PTPRD: variants seen among roughly 807,000 people sequenced by gnomAD.
PTPRD encodes receptor-type tyrosine-protein phosphatase delta.
In PTPRD, 34 loss-of-function variants were observed where a neutral mutation model predicts 214.5. The ratio of observed to expected loss-of-function variants is 0.16; its 90% CI spans 0.12 to 0.21. The LOEUF (loss-of-function observed/expected upper bound fraction) is 0.21. Among genes scored for constraint, PTPRD ranks in the 10% least tolerant of loss-of-function variants. PTPRD has a pLI of 1.00. For missense variants in PTPRD, 2,545 were observed against 2,398.7 expected, an observed-to-expected ratio of 1.06 and a Z score of -1.27; for synonymous variants, 1,128 against 845.7, an observed-to-expected ratio of 1.33 and a Z score of -5.79.
chr9:9,898,799 G>T (rs778470412), intron 5 of PTPRD, among the ~76,000 whole-genome samples: 68 of 151,976 alleles, frequency 4.5e-4, no homozygotes, highest in Non-Finnish European at 8.4e-4. Context: ...TCCTTTATTA[G>T]CATCTCTTAG....
intron 5 of PTPRD, among the ~76,000 whole-genome samples, chr9:9,887,476 G>T (rs2071398804): frequency 6.6e-6 from 1 of 152,066 alleles, no homozygotes; most frequent in Admixed American, 6.6e-5. Context: ...TACTTGTGTA[G>T]GACCACACAT....
At position 9,717,500 on chromosome 9, in the gene PTPRD, T is replaced by A. The variant is rs541202506; in HGVS notation, c.-287+17033A>T. On this transcript the variant is annotated intron_variant, in intron 7 of 45. Transcript: ENST00000381196. ...GCTTTTTAATGAAGTCATCTTTCAA[T>A]GTAAGCATATATAAAACTCACTCAT... Among the ~76,000 whole-genome samples, 4 of 152,340 alleles carry A rather than the reference T, an allele frequency of 2.6e-5. No homozygotes were observed. In the South Asian group the frequency reaches 8.3e-4, roughly 32 times the overall value.
chr9:10,583,194 G>C (rs550071062), intron 2 of PTPRD, among the ~76,000 whole-genome samples: 2 of 152,300 alleles, frequency 1.3e-5, no homozygotes, highest in South Asian at 2.1e-4. Context: ...AGGCAGAGAA[G>C]TAAAGTTATT....
chr9:8,621,648 T>C (rs1432331826), intron 14 of PTPRD, among the ~76,000 whole-genome samples: 2 of 151,982 alleles, frequency 1.3e-5, no homozygotes, highest in East Asian at 1.9e-4. Context: ...CCATTTGCTA[T>C]TGAGCCAGTG....
At chr9:8,657,430 A>G (rs1392800260) in intron 12 of PTPRD, among the ~76,000 whole-genome samples, 1 of 152,014 alleles carries the variant, frequency 6.6e-6, no homozygotes, top group African/African-American at 2.4e-5. Context: ...TGGCCCCCCA[A>G]AGTGCTGGGA....
At chr9:8,977,550 A>T (rs910904154) in intron 11 of PTPRD, among the ~76,000 whole-genome samples, 1 of 151,944 alleles carries the variant, frequency 6.6e-6, no homozygotes, top group Non-Finnish European at 1.5e-5. Flanking sequence ...CTATCTTGTC[A>T]TACAGTCATC....
At chr9:9,543,136 A>G (rs377481075) in intron 8 of PTPRD, among the ~76,000 whole-genome samples, 1 of 151,764 alleles carries the variant, frequency 6.6e-6, no homozygotes, top group Non-Finnish European at 1.5e-5. Flanking sequence ...AAGGAATGGG[A>G]CTACTAATAA....
At chr9:10,187,784 G>C (rs2099344898) in intron 3 of PTPRD, among the ~76,000 whole-genome samples, 1 of 152,102 alleles carries the variant, frequency 6.6e-6, no homozygotes, top group Non-Finnish European at 1.5e-5. Flanking sequence ...GCTGACCCCA[G>C]GACTTCATCA....
rs185203466 is a variant in PTPRD, at chr9:8,859,169, T to C, written c.-103-125223A>G. ...AAGACTGGGAAGTACTGAACCAAAA[T>C]CTTAGTGTGATAACTTGTTTTGCTT... On this transcript the variant is annotated intron_variant, in intron 11 of 45. Coordinates refer to ENST00000381196, the MANE Select transcript of PTPRD (RefSeq NM_002839.4). Among the ~76,000 whole-genome samples, 20 of 152,316 alleles carry C rather than the reference T, an allele frequency of 1.3e-4. 1 individual carries two copies. In the East Asian group the frequency reaches 3.5e-3, roughly 26 times the overall value.
At chr9:8,455,794 T>G (rs747262254) in intron 33 of PTPRD, among the ~76,000 whole-genome samples, 7 of 152,198 alleles carry the variant, frequency 4.6e-5, no homozygotes, top group Non-Finnish European at 8.8e-5. Flanking sequence ...ATCAGTGACT[T>G]TATCAGGGAA....
At chr9:9,828,898 A>G (rs1281258104) in intron 5 of PTPRD, among the ~76,000 whole-genome samples, 7 of 151,914 alleles carry the variant, frequency 4.6e-5, no homozygotes, top group East Asian at 1.9e-4. Context: ...ATCTTTATAT[A>G]TGCTGTTTCA....
At chr9:9,601,513 G>T (rs901138202) in intron 7 of PTPRD, among the ~76,000 whole-genome samples, 5 of 152,044 alleles carry the variant, frequency 3.3e-5, no homozygotes, top group African/African-American at 1.2e-4. Flanking sequence ...ATCCTAAAAT[G>T]ATAAAACCAT....
rs978939825 is a variant in PTPRD at position 9,525,813 on chromosome 9, AC to A, written c.-237+48918del. 5.9e-5 allele frequency among the ~76,000 whole-genome samples: 9 copies of A among 151,386 alleles called. 1 individual carries two copies. On this transcript the variant is annotated intron_variant, in intron 8 of 45. Coordinates refer to ENST00000381196, the MANE Select transcript of PTPRD (RefSeq NM_002839.4). The stretch of plus-strand genomic sequence containing the variant: ...TTTCTTAAATTTTATACCTTTGTAA[AC>A]TTTTTTTTTTTTGTACAAACAGGGA...
At chr9:8,834,536 T>C (rs1486159282) in intron 11 of PTPRD, among the ~76,000 whole-genome samples, 2 of 152,210 alleles carry the variant, frequency 1.3e-5, no homozygotes, top group African/African-American at 2.4e-5. Context: ...GTATTAATAC[T>C]GACAGCATTA....
intron 2 of PTPRD, among the ~76,000 whole-genome samples, chr9:10,474,382 A>G (rs2099049780): frequency 6.6e-6 from 1 of 152,176 alleles, no homozygotes; most frequent in Non-Finnish European, 1.5e-5. Context: ...AAAGGTCAAA[A>G]GAGACAAAGA....
intron 9 of PTPRD, among the ~76,000 whole-genome samples, chr9:9,373,471 T>A (rs972847902): frequency 6.6e-6 from 1 of 152,082 alleles, no homozygotes; most frequent in African/African-American, 2.4e-5. Flanking sequence ...GAGGCCAGAA[T>A]TCTGAAATGA....
chr9:10,411,174 G>A (rs543388694), intron 2 of PTPRD, among the ~76,000 whole-genome samples: 7 of 151,820 alleles, frequency 4.6e-5, no homozygotes, highest in Admixed American at 2.6e-4. Context: ...AATTCTAAGT[G>A]AACTTCTAAG....
chr9:10,063,278 A>T (rs909505647), intron 3 of PTPRD, among the ~76,000 whole-genome samples: 15 of 152,122 alleles, frequency 9.9e-5, no homozygotes, highest in Non-Finnish European at 1.5e-5. Context: ...ATAAAACTGA[A>T]TCTGTCAATA....
chr9:8,631,669 C>T (rs982696210), intron 14 of PTPRD, among the ~76,000 whole-genome samples: 1 of 151,784 alleles, frequency 6.6e-6, no homozygotes, highest in Admixed American at 6.6e-5. Flanking sequence ...CTCTGTTACT[C>T]TCAACTTATT....
Sources: gnomAD v4.1 joint callset for allele counts (sites outside exome capture counted in the v4.1 genomes callset) on GRCh38, gnomAD v4.1.1 for gene constraint, MANE v1.5 for transcripts, NCBI Gene and HGNC (gene_info 2026-07-23, HGNC 2026-07-21) for gene names.